TOP1MT: variants seen among roughly 807,000 people sequenced by gnomAD.
The protein encoded by TOP1MT is DNA topoisomerase I, mitochondrial.
Under a neutral mutation model 73.9 loss-of-function variants are expected in TOP1MT, and 80 were observed. The ratio of observed to expected loss-of-function variants is 1.08; its 90% CI spans 0.90 to 1.30. The LOEUF (loss-of-function observed/expected upper bound fraction) is 1.30, where lower values mean the gene tolerates loss of function less well. Among genes scored for constraint, TOP1MT ranks in the 50% most tolerant of loss-of-function variants. TOP1MT has a pLI of 0.00. For synonymous variants in TOP1MT, 338 were observed against 326.4 expected (o/e 1.04, Z -0.38); for missense variants, 815 against 808.0 (o/e 1.01, Z -0.10).
In TOP1MT at chr8:143,314,413, T is replaced by C. The variant is rs1019487437; in HGVS notation, c.1553+1314A>G. Among the ~76,000 whole-genome samples, 4 of 152,068 alleles carry C rather than the reference T, an allele frequency of 2.6e-5. No homozygotes were observed. The East Asian group carries it at 5.8e-4, about 22-fold the overall frequency. ...AGGAGTTTGACCAGCCTGGCCAACA[T>C]GGAGAAACCCCGTTTCTACTAAATA... On this transcript the variant is annotated intron_variant, in intron 12 of 13. Transcript: ENST00000329245.
At chr8:143,321,834 ACACGC>A (rs1816404793) in intron 7 of TOP1MT, among the ~76,000 whole-genome samples, 1 of 31,290 alleles carries the variant, frequency 3.2e-5, no homozygotes, top group Non-Finnish European at 6.7e-5. Context: ...CGCTACACAC[ACACGC>A]CACACGCACG....
At chr8:143,319,676 T>A (rs724037) in intron 8 of TOP1MT, among the ~76,000 whole-genome samples, 1 of 151,890 alleles carries the variant, frequency 6.6e-6, no homozygotes, top group Admixed American at 6.6e-5. Flanking sequence ...TCTGGGCATC[T>A]ATGCTGGTGG....
chr8:143,327,886 T>C (rs1816750322), intron 3 of TOP1MT: 1 of 333,040 alleles, frequency 3.0e-6, no homozygotes, highest in Admixed American at 4.6e-5. Flanking sequence ...TACCCCACAC[T>C]ATAACCAAAA....
At chr8:143,321,572 C>CCA (rs533299408) in intron 7 of TOP1MT, among the ~76,000 whole-genome samples, 186 bp from the exon 8 acceptor site, 4 of 100,688 alleles carry the variant, frequency 4.0e-5, no homozygotes, top group Admixed American at 1.1e-4. Context: ...CACACGCACG[C>CCA]CACACAGGCA....
In TOP1MT at chr8:143,331,206, C is replaced by T. The variant is rs376236478; in HGVS notation, c.238+18G>A. 8.9e-6 allele frequency: 14 copies of T among 1,578,260 alleles called. 1 individual carries two copies. Among genetic ancestry groups the T allele is most frequent in the African/African-American group, 4.0e-5 (3 of 74,286 alleles). ...AACCAAGCGCAGGCTGGGGAGGAGCCGCTCCCTGCATCCTTACCTTCATAG... is the reference window on the plus strand; with the variant it reads ...AACCAAGCGCAGGCTGGGGAGGAGCTGCTCCCTGCATCCTTACCTTCATAG... On this transcript the variant is annotated intron_variant, in intron 2 of 13. Coordinates refer to ENST00000329245, the MANE Select transcript of TOP1MT (RefSeq NM_052963.3).
chr8:143,324,218 C>T (rs1303841784), intron 6 of TOP1MT, 76 bp from the exon 7 acceptor site: 15 of 1,571,244 alleles, frequency 9.5e-6, no homozygotes, highest in African/African-American at 2.7e-5. Context: ...AACTCTCCCT[C>T]CCCCAAACCT....
chr8:143,334,683 G>A, intron 1 of TOP1MT, 57 bp downstream of exon 1: 1 of 1,589,414 alleles, frequency 6.3e-7, no homozygotes, highest in South Asian at 1.1e-5. Flanking sequence ...CCCCTTTCTG[G>A]ACCTACCCAA....
At chr8:143,324,287 T>C in intron 6 of TOP1MT, 145 bp from the exon 7 acceptor site, 2 of 1,358,926 alleles carry the variant, frequency 1.5e-6, no homozygotes. Context: ...TCTAGCTGGG[T>C]GATGCCGGCA....
intron 7 of TOP1MT, among the ~76,000 whole-genome samples, chr8:143,322,473 C>T (rs1170074325): frequency 4.0e-4 from 53 of 131,196 alleles, no homozygotes; most frequent in Admixed American, 3.8e-3. Context: ...ACAGGCACGC[C>T]ACACAGGCAC....
upstream of TOP1MT, among the ~76,000 whole-genome samples, chr8:143,348,086 C>T (rs943071876): frequency 2.6e-5 from 4 of 152,164 alleles, no homozygotes; most frequent in African/African-American, 7.2e-5. This position sits in a 1 kb window ranked among gnomAD's most constrained non-coding sequence, Gnocchi z 4.6. Flanking sequence ...GAGTGGAGTT[C>T]CTGGAGTTGG....
intron 7 of TOP1MT, among the ~76,000 whole-genome samples, chr8:143,322,600 GGCCACACACATGCAT>G (rs1816492819): frequency 7.8e-5 from 5 of 64,082 alleles, no homozygotes; most frequent in South Asian, 6.1e-4. Flanking sequence ...CACACATGCA[GGCCACACACATGCAT>G]GCCACACAGG....
chr8:143,348,745 T>C (rs1376787821), upstream of TOP1MT, among the ~76,000 whole-genome samples: 4 of 151,796 alleles, frequency 2.6e-5, no homozygotes, highest in Non-Finnish European at 1.5e-5. This position sits in a 1 kb window ranked among gnomAD's most constrained non-coding sequence, Gnocchi z 4.6. Flanking sequence ...AAGGGCCAAA[T>C]GGAGGGGCAT....
Position 143,321,305 on chromosome 8 carries a change from C to T in TOP1MT, c.1042G>A (p.Val348Ile), listed in dbSNP as rs192472378. The T allele has an allele frequency of 6.8e-6, 11 of 1,612,470 alleles. No homozygotes were observed. The highest frequency in any genetic ancestry group is 1.7e-4 in the Middle Eastern group (1 of 6,050). ...CCATCGGCCTCCGGGTGCAGCTGGACGTGCTCCACGCGGAGGGAACAGCAG... is the reference window on the plus strand; with the variant it reads ...CCATCGGCCTCCGGGTGCAGCTGGATGTGCTCCACGCGGAGGGAACAGCAG... ...VGCCSLRVEH[V>I]QLHPEADGCQ... The change falls in exon 8 of 14, where the codon GTC becomes ATC. Residue 348 changes from valine to isoleucine, a missense_variant. Around this residue, in one of 3 missense-constraint regions of TOP1MT, gnomAD observed 751 missense variants for 725.4 expected, o/e 1.04. Transcript: ENST00000329245.
upstream of TOP1MT, among the ~76,000 whole-genome samples, chr8:143,337,255 A>C (rs930775450): frequency 6.6e-6 from 1 of 152,174 alleles, no homozygotes; most frequent in Admixed American, 6.5e-5. Context: ...TACTAAAAAA[A>C]TTAGCCTGGC....
At chr8:143,342,906 T>C (rs539972061) in intron 2 of TOP1MT, among the ~76,000 whole-genome samples, 1 of 151,712 alleles carries the variant, frequency 6.6e-6, no homozygotes, top group Non-Finnish European at 1.5e-5. Context: ...TGCCTCAGCC[T>C]CCCGACCACC....
chr8:143,342,877 C>T (rs1473531157), intron 2 of TOP1MT, among the ~76,000 whole-genome samples: 2 of 150,974 alleles, frequency 1.3e-5, no homozygotes, highest in African/African-American at 2.4e-5. Flanking sequence ...CTCTGCCTCC[C>T]GGGTTCAAGC....
upstream of TOP1MT, chr8:143,334,913 C>G: frequency 7.7e-7 from 1 of 1,303,176 alleles, no homozygotes; most frequent in Non-Finnish European, 9.7e-7. Context: ...CAGCGGCCAG[C>G]CCCGCCCCGC....
chr8:143,324,160 C>T lies in TOP1MT; in HGVS notation c.817-18G>A. The T allele has an allele frequency of 1.2e-6, 2 of 1,612,288 alleles. No homozygotes were observed. The highest frequency in any genetic ancestry group is 1.7e-6 in the Non-Finnish European group (2 of 1,179,392). ...GTCTCCCCCTAAACGAAGAAAATAACAGGAAAGAAAACATTCACATTCCTG... is the reference window on the plus strand; with the variant it reads ...GTCTCCCCCTAAACGAAGAAAATAATAGGAAAGAAAACATTCACATTCCTG... On this transcript the variant is annotated intron_variant, in intron 6 of 13. Coordinates refer to ENST00000329245, the MANE Select transcript of TOP1MT (RefSeq NM_052963.3).
At chr8:143,329,262 G>A (rs781743624) in intron 3 of TOP1MT, 88 bp downstream of exon 3, 27 of 1,422,130 alleles carry the variant, frequency 1.9e-5, no homozygotes, top group Non-Finnish European at 2.3e-5. Context: ...GAGAACTTGC[G>A]AGGGGCGTTC....
Sources: allele counts gnomAD v4.1 joint callset (sites outside exome capture counted in the v4.1 genomes callset), GRCh38; gene constraint gnomAD v4.1.1; regional missense constraint gnomAD v4.1.1; non-coding constraint Gnocchi (gnomAD v3.1); transcripts MANE v1.5; gene names NCBI Gene and HGNC (gene_info 2026-07-23, HGNC 2026-07-21).